DYM: variants seen among roughly 807,000 people sequenced by gnomAD.
DYM encodes the protein dymeclin.
DYM carries 78 observed loss-of-function variants against 93.1 expected under a neutral mutation model. The observed-to-expected ratio is 0.84, with a 90% CI of 0.70 to 1.01. The LOEUF (loss-of-function observed/expected upper bound fraction) is 1.01. Ranked by LOEUF, DYM falls within the 50% of genes least tolerant of loss-of-function variation. The pLI is 0.00. For synonymous variants in DYM, 321 were observed against 319.7 expected, an observed-to-expected ratio of 1.00 and a Z score of -0.04; for missense variants, 789 against 845.0, an observed-to-expected ratio of 0.93 and a Z score of 0.82.
chr18:49,423,070 C>T (rs543905291), intron 2 of DYM, among the ~76,000 whole-genome samples: 1 of 152,340 alleles, frequency 6.6e-6, no homozygotes, highest in East Asian at 1.9e-4. Flanking sequence ...GAACTCTCCA[C>T]CCCAAATCAA....
Position 49,097,330 on chromosome 18 carries a change from G to A in DYM, c.2025+72C>T. On this transcript the variant is annotated intron_variant, in intron 17 of 17. Transcript: ENST00000675505. ...GATAAGCAGCATGATTCTGGATAGG[G>A]TCTGCTAAGACACTAACATTTACAT... 2.2e-6 allele frequency: 3 copies of A among 1,354,784 alleles called. No individual in the cohort carries two copies. In the Admixed American group the frequency reaches 5.2e-5, roughly 24 times the overall value. 83.9% of individuals were successfully genotyped at this position (1,354,784 alleles called of 1,614,324 possible).
At chr18:49,328,193 G>C (rs2063042201) in intron 8 of DYM, among the ~76,000 whole-genome samples, 1 of 152,142 alleles carries the variant, frequency 6.6e-6, no homozygotes, top group African/African-American at 2.4e-5. Context: ...ATAAACATTA[G>C]TTCTCATTTT....
intron 15 of DYM, among the ~76,000 whole-genome samples, chr18:49,147,579 G>A (rs1233327145): frequency 6.6e-6 from 1 of 151,966 alleles, no homozygotes; most frequent in Non-Finnish European, 1.5e-5. Context: ...GCAGCCAAAA[G>A]ACACATGAAA....
intron 17 of DYM, among the ~76,000 whole-genome samples, chr18:49,081,267 C>T (rs1419064539): frequency 1.3e-5 from 2 of 150,840 alleles, no homozygotes; most frequent in Admixed American, 6.6e-5. Context: ...CTCGGGAGGC[C>T]GAGGCTGGCG....
At chr18:49,122,764 A>AT (rs1178578767) in intron 15 of DYM, among the ~76,000 whole-genome samples, 1 of 152,180 alleles carries the variant, frequency 6.6e-6, no homozygotes, top group Non-Finnish European at 1.5e-5. Flanking sequence ...CCGCTGCTTT[A>AT]TATTCTTCAG....
intron 3 of DYM, among the ~76,000 whole-genome samples, chr18:49,385,565 C>A (rs1215914996): frequency 6.6e-6 from 1 of 151,980 alleles, no homozygotes; most frequent in Non-Finnish European, 1.5e-5. Flanking sequence ...TGTGGTGGTG[C>A]ATGCCTGTAA....
intron 15 of DYM, among the ~76,000 whole-genome samples, chr18:49,150,638 T>C (rs2085709920): frequency 6.6e-6 from 1 of 152,222 alleles, no homozygotes; most frequent in Non-Finnish European, 1.5e-5. Flanking sequence ...TTACGGCATC[T>C]TGAGCTGACT....
intron 1 of DYM, among the ~76,000 whole-genome samples, chr18:49,459,118 ACTT>A (rs1258578841): frequency 2.0e-5 from 3 of 152,304 alleles, no homozygotes; most frequent in South Asian, 2.1e-4. Flanking sequence ...AACAACACAG[ACTT>A]CTTAATAGCT....
At chr18:49,120,088 AAAAAAAAG>A (rs1406813165) in intron 15 of DYM, among the ~76,000 whole-genome samples, 2 of 150,896 alleles carry the variant, frequency 1.3e-5, no homozygotes, top group African/African-American at 4.8e-5. Flanking sequence ...CAAAAAAAAA[AAAAAAAAG>A]AAAAAAAAGA....
chr18:49,094,627 G>C (rs922046194), intron 17 of DYM, among the ~76,000 whole-genome samples: 3 of 152,186 alleles, frequency 2.0e-5, no homozygotes, highest in African/African-American at 7.2e-5. Flanking sequence ...TATCCAAATA[G>C]TATGCATTCC....
chr18:49,433,188 G>A (rs996233699), intron 1 of DYM, among the ~76,000 whole-genome samples: 12 of 152,174 alleles, frequency 7.9e-5, no homozygotes, highest in Non-Finnish European at 1.6e-4. Flanking sequence ...AGAAAGCATA[G>A]AACTGACGGT....
intron 14 of DYM, among the ~76,000 whole-genome samples, chr18:49,176,446 T>C (rs977610674): frequency 2.6e-5 from 4 of 152,032 alleles, no homozygotes; most frequent in Non-Finnish European, 5.9e-5. Context: ...GGTCTCATTC[T>C]GTTGACCAGG....
intron 11 of DYM, among the ~76,000 whole-genome samples, chr18:49,264,097 CGTT>C (rs1181250697): frequency 4.1e-5 from 5 of 121,108 alleles, no homozygotes; most frequent in South Asian, 2.9e-4. Context: ...ATTGGATGGG[CGTT>C]GTTTTTTTTT....
In DYM at chr18:49,219,382, G is replaced by A. The variant is rs1350810357; in HGVS notation, c.1461-9667C>T. ...AACTATTCCAATCAATAGAAAAAGA[G>A]GGAACCCTCCCTAACTCATTTTATG... is the stretch of plus-strand genomic sequence containing the variant. On this transcript the variant is annotated intron_variant, in intron 13 of 17. Coordinates refer to ENST00000675505, the MANE Select transcript of DYM (RefSeq NM_001353214.3). 2.6e-5 allele frequency among the ~76,000 whole-genome samples: 4 copies of A among 152,156 alleles called. No homozygotes were observed. The East Asian group carries it at 5.8e-4, about 22-fold the overall frequency.
chr18:49,458,629 G>A (rs1013042829), intron 1 of DYM, among the ~76,000 whole-genome samples: 1 of 152,116 alleles, frequency 6.6e-6, no homozygotes, highest in African/African-American at 2.4e-5. Flanking sequence ...CTGAACTCAG[G>A]AGTTCGTGAC....
intron 6 of DYM, among the ~76,000 whole-genome samples, chr18:49,344,845 G>A (rs1340702353): frequency 6.6e-6 from 1 of 152,106 alleles, no homozygotes; most frequent in Non-Finnish European, 1.5e-5. Flanking sequence ...CATTCATTGG[G>A]TATCTACTAT....
chr18:49,265,111 CAAT>C (rs1435097704), intron 11 of DYM, among the ~76,000 whole-genome samples: 1 of 152,076 alleles, frequency 6.6e-6, no homozygotes, highest in Non-Finnish European at 1.5e-5. Flanking sequence ...TCTCACTAAA[CAAT>C]ATATGTGCTA....
chr18:49,348,382 C>T (rs781151784), intron 6 of DYM, among the ~76,000 whole-genome samples: 6 of 151,954 alleles, frequency 3.9e-5, no homozygotes, highest in Admixed American at 6.6e-5. Flanking sequence ...AGTATAATGG[C>T]CAGTTTTAAA....
chr18:49,358,842 G>C (rs1262408308), intron 6 of DYM, among the ~76,000 whole-genome samples: 1 of 106,602 alleles, frequency 9.4e-6, no homozygotes. Context: ...AAAAATGACA[G>C]CAACAAAAAC....
Sources: allele counts gnomAD v4.1 joint callset (sites outside exome capture counted in the v4.1 genomes callset), GRCh38; gene constraint gnomAD v4.1.1; transcripts MANE v1.5; gene names NCBI Gene and HGNC (gene_info 2026-07-23, HGNC 2026-07-21).